The following ADAMTS3 variants were observed in gnomAD, a reference collection of about 807,000 sequenced individuals.
The protein encoded by ADAMTS3 is ADAM metallopeptidase with thrombospondin type 1 motif 3.
A neutral mutation model predicts 129.0 loss-of-function variants in ADAMTS3; 73 were observed. The observed-to-expected ratio is 0.57, with a 90% CI of 0.47 to 0.69. The LOEUF (loss-of-function observed/expected upper bound fraction) is 0.69. Among genes scored for constraint, ADAMTS3 ranks in the 30% least tolerant of loss-of-function variants. The probability of loss-of-function intolerance (pLI) is 0.00; values close to 1 mark genes in which losing one functional copy is unlikely to be tolerated. For synonymous variants in ADAMTS3, 477 were observed against 510.8 expected (o/e 0.93, Z 0.89); for missense variants, 1,457 against 1,514.5 (o/e 0.96, Z 0.63).
At chr4:72,549,996 A>AGAAGG (rs1560563927) in intron 2 of ADAMTS3, among the ~76,000 whole-genome samples, 1 of 8,772 alleles carries the variant, frequency 1.1e-4, no homozygotes, top group African/African-American at 6.6e-4. Context: ...GAAGAAGAGG[A>AGAAGG]AGAGGAAGAA....
intron 3 of ADAMTS3, among the ~76,000 whole-genome samples, chr4:72,476,393 A>T (rs73825547): frequency 6.6e-6 from 1 of 152,046 alleles, no homozygotes; most frequent in East Asian, 1.9e-4. Flanking sequence ...TCCCCAAAAA[A>T]CATAAACTAC....
chr4:72,372,922 T>C (rs939705000), intron 4 of ADAMTS3, among the ~76,000 whole-genome samples: 2 of 152,146 alleles, frequency 1.3e-5, no homozygotes, highest in African/African-American at 4.8e-5. Context: ...CCAAATATAA[T>C]TTTGCTGACA....
chr4:72,293,481 G>A (rs569430997), intron 19 of ADAMTS3, among the ~76,000 whole-genome samples: 8 of 152,106 alleles, frequency 5.3e-5, no homozygotes, highest in African/African-American at 1.4e-4. Context: ...TGGTGAGATC[G>A]CTTTAGAAAC....
At chr4:72,405,973 G>C (rs1277876986) in intron 4 of ADAMTS3, among the ~76,000 whole-genome samples, 1 of 152,024 alleles carries the variant, frequency 6.6e-6, no homozygotes, top group Non-Finnish European at 1.5e-5. Context: ...ACACTTTATG[G>C]GCGGCTAGGA....
chr4:72,329,357 A>G (rs550159771), intron 5 of ADAMTS3, among the ~76,000 whole-genome samples: 1 of 152,280 alleles, frequency 6.6e-6, no homozygotes, highest in South Asian at 2.1e-4. Context: ...GGAAGGAATA[A>G]TTGTGTGACT....
At chr4:72,452,573 C>G (rs1210751600) in intron 3 of ADAMTS3, among the ~76,000 whole-genome samples, 2 of 151,782 alleles carry the variant, frequency 1.3e-5, no homozygotes, top group East Asian at 2.0e-4. Flanking sequence ...TCTTTTGAAA[C>G]TGCTTCAACA....
At chr4:72,366,856 C>G (rs938462839) in intron 4 of ADAMTS3, among the ~76,000 whole-genome samples, 1 of 151,212 alleles carries the variant, frequency 6.6e-6, no homozygotes, top group African/African-American at 2.4e-5. Flanking sequence ...AAAGTCTGAA[C>G]AGAGTTTGTA....
intron 3 of ADAMTS3, among the ~76,000 whole-genome samples, chr4:72,515,032 G>C (rs1323197368): frequency 2.0e-5 from 3 of 151,742 alleles, no homozygotes; most frequent in Non-Finnish European, 4.4e-5. Flanking sequence ...TCCCCTTCCT[G>C]TGTCCATGTG....
intron 11 of ADAMTS3, among the ~76,000 whole-genome samples, chr4:72,314,626 T>A (rs548311270): frequency 6.7e-4 from 102 of 152,342 alleles, no homozygotes; most frequent in African/African-American, 2.3e-3. Flanking sequence ...GAAAGTTGAA[T>A]GTTAAAAAGT....
At chr4:72,544,066 T>A (rs983793264) in intron 3 of ADAMTS3, among the ~76,000 whole-genome samples, 1 of 152,084 alleles carries the variant, frequency 6.6e-6, no homozygotes, top group African/African-American at 2.4e-5. Context: ...TTTTCAGAAA[T>A]TATGGAAGAT....
chr4:72,413,675 CT>C (rs1358761333), intron 4 of ADAMTS3, among the ~76,000 whole-genome samples: 1 of 151,810 alleles, frequency 6.6e-6, no homozygotes, highest in Non-Finnish European at 1.5e-5. Flanking sequence ...TATATTACTT[CT>C]TTTTTCATTA....
chr4:72,390,377 C>T (rs1380993900), intron 4 of ADAMTS3, among the ~76,000 whole-genome samples: 2 of 152,088 alleles, frequency 1.3e-5, no homozygotes, highest in Non-Finnish European at 2.9e-5. Context: ...CTTATTAATT[C>T]TCAAAAGAAC....
intron 5 of ADAMTS3, among the ~76,000 whole-genome samples, chr4:72,324,491 C>T (rs907336368): frequency 4.6e-5 from 7 of 152,072 alleles, no homozygotes; most frequent in Admixed American, 3.9e-4. Context: ...CTAGAGATAA[C>T]AAAGTATAAC....
intron 3 of ADAMTS3, among the ~76,000 whole-genome samples, chr4:72,426,850 C>T (rs1722587241): frequency 6.6e-6 from 1 of 152,058 alleles, no homozygotes; most frequent in South Asian, 2.1e-4. Context: ...GCCATGATTG[C>T]ACCACTGCAC....
chr4:72,282,344 G>A lies in ADAMTS3; in HGVS notation c.*792C>T, dbSNP rs983097561. On this transcript the variant is annotated 3_prime_UTR_variant, in exon 22 of 22. Coordinates refer to ENST00000286657, the MANE Select transcript of ADAMTS3 (RefSeq NM_014243.3). ...ATCCCTGTGACCACAAGTGTACTAA[G>A]ACACCAATCCTTTAAATTATAAGTA... 2 of 152,168 alleles carry A rather than the reference G, an allele frequency of 1.3e-5. No individual in the cohort carries two copies. Among genetic ancestry groups the A allele is most frequent in the African/African-American group, 4.8e-5 (2 of 41,446 alleles). The allele number at this position is 152,168 out of a possible 1,614,324, so 9.4% of individuals were successfully genotyped here.
chr4:72,475,971 G>C (rs995776635), intron 3 of ADAMTS3, among the ~76,000 whole-genome samples: 2 of 151,944 alleles, frequency 1.3e-5, no homozygotes, highest in Non-Finnish European at 2.9e-5. Flanking sequence ...CACAGTTAAA[G>C]CAGTACAAAA....
intron 2 of ADAMTS3, among the ~76,000 whole-genome samples, chr4:72,551,574 T>A (rs965596705): frequency 1.3e-5 from 2 of 152,128 alleles, no homozygotes; most frequent in Non-Finnish European, 2.9e-5. Context: ...TGGATTACCA[T>A]CTCCTGGATG....
chr4:72,302,057 G>C (rs894361294), intron 17 of ADAMTS3, among the ~76,000 whole-genome samples: 1 of 152,080 alleles, frequency 6.6e-6, no homozygotes, highest in Non-Finnish European at 1.5e-5. Context: ...CACTGAAATA[G>C]ACTAGCTGTA....
At chr4:72,308,957 A>G (rs540509486) in intron 15 of ADAMTS3, among the ~76,000 whole-genome samples, 1 of 152,124 alleles carries the variant, frequency 6.6e-6, no homozygotes, top group African/African-American at 2.4e-5. Context: ...AAAATTGTTC[A>G]CTTTTAAAAT....
Sources: gnomAD v4.1 joint callset for allele counts (sites outside exome capture counted in the v4.1 genomes callset) on GRCh38, gnomAD v4.1.1 for gene constraint, MANE v1.5 for transcripts, NCBI Gene and HGNC (gene_info 2026-07-23, HGNC 2026-07-21) for gene names.